FAM3C: variants seen among roughly 807,000 people sequenced by gnomAD.
FAM3C encodes protein FAM3C.
In FAM3C, 15 loss-of-function variants were observed where a neutral mutation model predicts 32.5. That is an observed-to-expected ratio of 0.46 (90% confidence interval 0.31 to 0.71). The LOEUF is 0.71. Among genes scored for constraint, FAM3C ranks in the 30% least tolerant of loss-of-function variants. The probability of loss-of-function intolerance (pLI) is 0.05; values close to 1 mark genes in which losing one functional copy is unlikely to be tolerated. For missense variants in FAM3C, 175 were observed against 274.4 expected (o/e 0.64, Z 2.56); for synonymous variants, 75 against 86.1 (o/e 0.87, Z 0.72).
chr7:121,389,853 A>G (rs575432329), intron 1 of FAM3C, among the ~76,000 whole-genome samples: 3 of 152,300 alleles, frequency 2.0e-5, no homozygotes, highest in Admixed American at 6.5e-5. Flanking sequence ...CTGAAGTACA[A>G]GGAGGATAGA....
intron 6 of FAM3C, 81 bp downstream of exon 6, chr7:121,364,049 T>G: frequency 1.1e-6 from 1 of 925,194 alleles, no homozygotes; most frequent in Non-Finnish European, 1.8e-6. Context: ...CTTTCTAACC[T>G]GATCCTCTGA....
chr7:121,369,089 C>T (rs551843570), intron 5 of FAM3C, among the ~76,000 whole-genome samples: 1 of 150,758 alleles, frequency 6.6e-6, no homozygotes, highest in Admixed American at 6.6e-5. Flanking sequence ...AAGAGATTCT[C>T]GTGCCTCAGC....
In FAM3C at chr7:121,371,324, G is replaced by T; in HGVS notation, c.248C>A (p.Pro83His). ...CACATTATCTTCCAGGCAGATTTTG[G>T]GTCCCACCACGTTGGCTGCTCCACT... Reference protein sequence around the residue: ...MASGAANVVGPKICLEDNVLM... With the variant: ...MASGAANVVGHKICLEDNVLM... The change falls in exon 5 of 10, where the codon CCC becomes CAC. Residue 83 changes from proline to histidine, a missense_variant. Physicochemically the swap from Pro to His is moderately conservative, Grantham distance 77. Coordinates refer to ENST00000359943, the MANE Select transcript of FAM3C (RefSeq NM_014888.3). 6.2e-7 allele frequency: 1 copy of T among 1,613,220 alleles called. No homozygotes were observed. Among genetic ancestry groups the T allele is most frequent in the Non-Finnish European group, 8.5e-7 (1 of 1,179,862 alleles).
intron 2 of FAM3C, among the ~76,000 whole-genome samples, chr7:121,380,912 T>C (rs2116942954): frequency 6.6e-6 from 1 of 152,150 alleles, no homozygotes; most frequent in Admixed American, 6.5e-5. Context: ...GTCACATAAC[T>C]AGTCAGCGGC....
At chr7:121,361,036 T>C (rs948443982) in intron 7 of FAM3C, among the ~76,000 whole-genome samples, 2 of 152,194 alleles carry the variant, frequency 1.3e-5, no homozygotes, top group Non-Finnish European at 2.9e-5. Context: ...AGAAGGAATA[T>C]GTTAGGTGAT....
intron 8 of FAM3C, among the ~76,000 whole-genome samples, chr7:121,356,586 G>T (rs1034560950): frequency 6.6e-6 from 1 of 152,150 alleles, no homozygotes; most frequent in South Asian, 2.1e-4. Flanking sequence ...GAAATGAAAG[G>T]GTACTGGCAC....
chr7:121,394,686 T>A (rs1202375528), intron 1 of FAM3C, among the ~76,000 whole-genome samples: 1 of 152,224 alleles, frequency 6.6e-6, no homozygotes, highest in Admixed American at 6.5e-5. Flanking sequence ...AAGCTTCTAA[T>A]ACCTGTATAA....
At chr7:121,393,910 G>A (rs1278171699) in intron 1 of FAM3C, among the ~76,000 whole-genome samples, 5 of 152,090 alleles carry the variant, frequency 3.3e-5, no homozygotes, top group Admixed American at 3.3e-4. Context: ...AGACGCTTCT[G>A]GACTAAATTC....
rs193253417 is a variant in FAM3C, at chr7:121,358,896, G to T, written c.467+1147C>A. Among the ~76,000 whole-genome samples, 254 of 150,560 alleles carry T rather than the reference G, an allele frequency of 1.7e-3. 1 individual carries two copies. The highest frequency in any genetic ancestry group is 5.6e-3 in the African/African-American group (230 of 41,164). Reference sequence around the variant, plus strand: ...TACATTTCTTTTTACATTAGAAATGGTTAATATCCTTAAAACGTGAAGGGG... The same window carrying T: ...TACATTTCTTTTTACATTAGAAATGTTTAATATCCTTAAAACGTGAAGGGG... On this transcript the variant is annotated intron_variant, in intron 8 of 9. Coordinates refer to ENST00000359943, the MANE Select transcript of FAM3C (RefSeq NM_014888.3).
At chr7:121,374,022 A>G (rs1794196619) in intron 3 of FAM3C, among the ~76,000 whole-genome samples, 1 of 152,042 alleles carries the variant, frequency 6.6e-6, no homozygotes, top group Admixed American at 6.5e-5. Flanking sequence ...AAAAAAAAGA[A>G]CATTAAGTAC....
chr7:121,358,239 T>C (rs1446603030), intron 8 of FAM3C, among the ~76,000 whole-genome samples: 2 of 152,108 alleles, frequency 1.3e-5, no homozygotes, highest in African/African-American at 4.8e-5. Flanking sequence ...CATGTAAATC[T>C]GTGATAATGT....
chr7:121,381,302 C>T (rs939667560), intron 2 of FAM3C, among the ~76,000 whole-genome samples: 33 of 152,056 alleles, frequency 2.2e-4, no homozygotes, highest in African/African-American at 8.0e-4. Context: ...TATTTCAAAG[C>T]AATCAGATTT....
intron 1 of FAM3C, among the ~76,000 whole-genome samples, chr7:121,383,297 G>C (rs1794397354): frequency 6.6e-6 from 1 of 152,092 alleles, no homozygotes; most frequent in African/African-American, 2.4e-5. Flanking sequence ...TATTCTCATG[G>C]ATTATGCATC....
At chr7:121,365,153 A>G (rs978150517) in intron 5 of FAM3C, among the ~76,000 whole-genome samples, 5 of 152,160 alleles carry the variant, frequency 3.3e-5, no homozygotes, top group African/African-American at 1.2e-4. Flanking sequence ...CTTTATTATA[A>G]ATCTCAGTCG....
intron 3 of FAM3C, among the ~76,000 whole-genome samples, chr7:121,373,866 C>CA (rs937424478): frequency 0.025 from 3,502 of 139,602 alleles, 122 homozygotes; most frequent in African/African-American, 0.083. Context: ...ACTACAAATA[C>CA]AAAAAAAAAA....
At chr7:121,366,039 GATA>G (rs1425328759) in intron 5 of FAM3C, among the ~76,000 whole-genome samples, 1 of 152,106 alleles carries the variant, frequency 6.6e-6, no homozygotes, top group Non-Finnish European at 1.5e-5. Context: ...CAGTAAGTCA[GATA>G]ATAACAAGTG....
intron 8 of FAM3C, among the ~76,000 whole-genome samples, chr7:121,354,608 G>C (rs993839435): frequency 2.0e-5 from 3 of 152,140 alleles, no homozygotes; most frequent in Non-Finnish European, 4.4e-5. Flanking sequence ...AAGCAAGACG[G>C]ACAATATTAA....
At chr7:121,367,290 C>T (rs1421532839) in intron 5 of FAM3C, among the ~76,000 whole-genome samples, 1 of 152,042 alleles carries the variant, frequency 6.6e-6, no homozygotes, top group Non-Finnish European at 1.5e-5. Flanking sequence ...ACTTCATGTC[C>T]TAGTTATTAG....
At chr7:121,363,959 A>G (rs894855583) in intron 6 of FAM3C, among the ~76,000 whole-genome samples, 171 bp downstream of exon 6, 1 of 152,108 alleles carries the variant, frequency 6.6e-6, no homozygotes, top group Admixed American at 6.5e-5. Context: ...CACGCTATAA[A>G]TTCTTAGACA....
Sources: gnomAD v4.1 joint callset for allele counts (sites outside exome capture counted in the v4.1 genomes callset) on GRCh38, gnomAD v4.1.1 for gene constraint, MANE v1.5 for transcripts, NCBI Gene and HGNC (gene_info 2026-07-23, HGNC 2026-07-21) for gene names.